AFF2: variants seen among roughly 807,000 people sequenced by gnomAD.
AFF2 encodes AF4/FMR2 family member 2.
AFF2 carries 14 observed loss-of-function variants against 76.9 expected under a neutral mutation model. The ratio of observed to expected loss-of-function variants is 0.18; its 90% CI spans 0.12 to 0.28. AFF2 has a LOEUF of 0.28. Ranked by LOEUF, AFF2 falls within the 10% of genes least tolerant of loss-of-function variation. AFF2 has a pLI of 1.00. For missense variants in AFF2, 868 were observed against 1,001.1 expected (o/e 0.87, Z 1.79); for synonymous variants, 398 against 366.7 (o/e 1.09, Z -0.98).
At chrX:148,792,016 C>T (rs2069901971) in intron 3 of AFF2, among the ~76,000 whole-genome samples, 1 of 110,352 alleles carries the variant, frequency 9.1e-6, no homozygotes, top group Non-Finnish European at 1.9e-5. Flanking sequence ...ATATAAATTC[C>T]TATTTGATAA....
chrX:148,707,322 G>A (rs892192629), intron 3 of AFF2, among the ~76,000 whole-genome samples: 18 of 110,671 alleles, frequency 1.6e-4, no homozygotes, highest in East Asian at 2.8e-4. Context: ...TTATCTATTC[G>A]TTGTAGAGAC....
chrX:148,793,237 C>G (rs1557270090), intron 3 of AFF2, among the ~76,000 whole-genome samples: 2 of 102,096 alleles, frequency 2.0e-5, no homozygotes, highest in African/African-American at 7.2e-5. Flanking sequence ...TCTGGATGGT[C>G]CAGTCTTTGG....
At chrX:148,897,248 T>TGAAAA (rs2071298963) in intron 8 of AFF2, among the ~76,000 whole-genome samples, 4 of 35,449 alleles carry the variant, frequency 1.1e-4, no homozygotes, top group African/African-American at 4.8e-4. Context: ...TATATATATA[T>TGAAAA]ATATATATAT....
intron 1 of AFF2, among the ~76,000 whole-genome samples, chrX:148,609,772 G>T (rs1287442345): frequency 9.0e-6 from 1 of 111,365 alleles, no homozygotes; most frequent in Non-Finnish European, 1.9e-5. Context: ...TATGGTCCTG[G>T]TGACATTCTT....
intron 9 of AFF2, among the ~76,000 whole-genome samples, chrX:148,940,309 G>A (rs2071818915): frequency 8.9e-6 from 1 of 111,803 alleles, no homozygotes; most frequent in East Asian, 2.8e-4. Flanking sequence ...TAGTAGGTAG[G>A]GACCCTGTAG....
At chrX:148,676,466 A>C (rs1751319250) in intron 3 of AFF2, among the ~76,000 whole-genome samples, 1 of 111,719 alleles carries the variant, frequency 9.0e-6, no homozygotes, top group African/African-American at 3.3e-5. Context: ...TTGAGTGCCC[A>C]TTGTGTGCCA....
intron 8 of AFF2, among the ~76,000 whole-genome samples, chrX:148,900,301 T>G (rs184960440): frequency 4.5e-5 from 5 of 111,325 alleles, no homozygotes; most frequent in Middle Eastern, 4.6e-3. Context: ...ATGGTTTTTG[T>G]AATTCAACAT....
intron 3 of AFF2, among the ~76,000 whole-genome samples, chrX:148,760,665 G>A (rs1381538015): frequency 8.9e-6 from 1 of 111,784 alleles, no homozygotes; most frequent in African/African-American, 3.2e-5. Context: ...AAAATAAATT[G>A]GAAATTTCCG....
At chrX:148,940,492 A>C (rs1331864033) in intron 9 of AFF2, among the ~76,000 whole-genome samples, 1 of 112,037 alleles carries the variant, frequency 8.9e-6, no homozygotes, top group Non-Finnish European at 1.9e-5. Flanking sequence ...TCCTTCTTTG[A>C]AATTGCTAAA....
chrX:148,563,574 C>T (rs1320152596), intron 1 of AFF2, among the ~76,000 whole-genome samples: 2 of 111,564 alleles, frequency 1.8e-5, no homozygotes, highest in Non-Finnish European at 1.9e-5. Flanking sequence ...TTGTGTTGAG[C>T]GGCCAAGAGG....
Position 148,837,711 on chromosome X carries a change from G to T in AFF2, c.1151G>T (p.Ser384Ile). Residue 384 changes from serine (S) to isoleucine (I), a missense_variant, in exon 5 of 21, where the codon AGC (serine) becomes ATC (isoleucine). Transcript: ENST00000370460. ...SMHTAGHSEQ[S>I]TFSIPGQESQ... ...CATACTGCTGGACACTCTGAGCAGA[G>T]CACCTTTTCCATCCCAGGACAGGTC... The T allele has an allele frequency of 1.7e-6, 2 of 1,198,219 alleles. No homozygotes were observed. Among genetic ancestry groups the T allele is most frequent in the Non-Finnish European group, 2.3e-6 (2 of 883,843 alleles).
At chrX:148,924,847 C>T (rs1212165069) in intron 9 of AFF2, among the ~76,000 whole-genome samples, 1 of 112,296 alleles carries the variant, frequency 8.9e-6, no homozygotes, top group Non-Finnish European at 1.9e-5. Flanking sequence ...CTAATGTCTA[C>T]ACACTTTATC....
Position 148,847,705 on chromosome X carries a change from T to C in AFF2, c.1262+4272T>C, listed in dbSNP as rs150850129. Among the ~76,000 whole-genome samples, 375 of 111,861 alleles carry C rather than the reference T, an allele frequency of 3.4e-3. 1 individual carries two copies. The highest frequency in any genetic ancestry group is 0.012 in the African/African-American group (360 of 30,732). On this transcript the variant is annotated intron_variant, in intron 7 of 20. Transcript: ENST00000370460. ...TATGCATGTCACATGAAGACATCCT[T>C]GATTGTAGCAATAGTTAGGAAGAGA... is the stretch of plus-strand genomic sequence containing the variant.
chrX:148,818,647 G>A (rs2070293555), intron 4 of AFF2, among the ~76,000 whole-genome samples: 1 of 110,801 alleles, frequency 9.0e-6, no homozygotes, highest in Non-Finnish European at 1.9e-5. Flanking sequence ...TAGATGGCAG[G>A]GATAAGAAGC....
chrX:148,773,717 A>AGAAAGAAAGAAAGAAG (rs2069627861), intron 3 of AFF2, among the ~76,000 whole-genome samples: 3 of 100,699 alleles, frequency 3.0e-5, no homozygotes, highest in Non-Finnish European at 5.9e-5. Context: ...AAAGAAAGAA[A>AGAAAGAAAGAAAGAAG]GAAAGAAAGA....
At chrX:148,513,452 G>A (rs1166238001) in intron 1 of AFF2, among the ~76,000 whole-genome samples, 1 of 111,808 alleles carries the variant, frequency 8.9e-6, no homozygotes, top group Non-Finnish European at 1.9e-5. Context: ...TTGCCTTAAT[G>A]GAGGACGGAA....
At chrX:148,874,850 T>C (rs1299123965) in intron 7 of AFF2, among the ~76,000 whole-genome samples, 2 of 111,786 alleles carry the variant, frequency 1.8e-5, no homozygotes, top group African/African-American at 6.5e-5. Flanking sequence ...ATTGGTGAGC[T>C]ACAGAGAATT....
At chrX:148,812,923 C>G (rs2070221588) in intron 4 of AFF2, among the ~76,000 whole-genome samples, 1 of 112,030 alleles carries the variant, frequency 8.9e-6, no homozygotes, top group South Asian at 3.7e-4. Flanking sequence ...TTTCTTTGCC[C>G]CCCTGGGCAA....
intron 15 of AFF2, among the ~76,000 whole-genome samples, chrX:148,968,058 G>A (rs550217452): frequency 2.7e-5 from 3 of 111,640 alleles, no homozygotes; most frequent in African/African-American, 9.8e-5. Flanking sequence ...GTGGGAATGT[G>A]AGAGTTGTTT....
Sources: gnomAD v4.1 joint callset for allele counts (sites outside exome capture counted in the v4.1 genomes callset) on GRCh38, gnomAD v4.1.1 for gene constraint, MANE v1.5 for transcripts, NCBI Gene and HGNC (gene_info 2026-07-23, HGNC 2026-07-21) for gene names.